Variants in ARSG observed in about 807,000 individuals in gnomAD.
The protein encoded by ARSG is arylsulfatase G.
Under a neutral mutation model 50.5 loss-of-function variants are expected in ARSG, and 37 were observed. The ratio of observed to expected loss-of-function variants is 0.73; its 90% CI spans 0.56 to 0.96. The LOEUF (loss-of-function observed/expected upper bound fraction) is 0.96, where lower values mean the gene tolerates loss of function less well. ARSG is among the 50% of genes least tolerant of loss of function. The pLI is 0.00. For synonymous variants in ARSG, 225 were observed against 254.6 expected (o/e 0.88, Z 1.11); for missense variants, 629 against 675.3 (o/e 0.93, Z 0.76).
intron 10 of ARSG, among the ~76,000 whole-genome samples, chr17:68,396,529 G>A (rs1376122955): frequency 6.6e-6 from 1 of 152,182 alleles, no homozygotes; most frequent in African/African-American, 2.4e-5. Context: ...GAGGCGGAAG[G>A]AGCACAGAGT....
intron 1 of ARSG, among the ~76,000 whole-genome samples, chr17:68,270,616 G>A (rs769851573): frequency 8.6e-5 from 13 of 150,766 alleles, no homozygotes; most frequent in Non-Finnish European, 1.2e-4. Context: ...GTCCTGAATC[G>A]ACCACTAATT....
intron 8 of ARSG, among the ~76,000 whole-genome samples, chr17:68,374,830 G>A (rs1352294889): frequency 6.7e-6 from 1 of 150,204 alleles, no homozygotes; most frequent in Non-Finnish European, 1.5e-5. Context: ...ACTCCAGCCT[G>A]GGCAACAGAG....
At chr17:68,357,023 T>C (rs1056452305) in intron 6 of ARSG, among the ~76,000 whole-genome samples, 6 of 152,114 alleles carry the variant, frequency 3.9e-5, no homozygotes, top group Admixed American at 3.9e-4. Context: ...GTTCCTAGAG[T>C]CCCTGGGGCT....
At chr17:68,303,738 C>G (rs1283598387) in intron 1 of ARSG, among the ~76,000 whole-genome samples, 1 of 152,348 alleles carries the variant, frequency 6.6e-6, no homozygotes, top group Middle Eastern at 3.4e-3. Context: ...GCATGAGCCA[C>G]CGCACCCAGC....
Position 68,385,260 on chromosome 17 carries a change from C to T in ARSG, c.1091+88C>T, listed in dbSNP as rs377482914. 142 of 1,190,874 alleles carry T rather than the reference C, an allele frequency of 1.2e-4. 1 individual carries two copies. The South Asian group carries it at 1.8e-3, about 15-fold the overall frequency. 73.8% of individuals were successfully genotyped at this position (1,190,874 alleles called of 1,614,324 possible). A position where few individuals can be genotyped will look rare whatever the true frequency, so the allele number is the denominator to read the frequency against. ...GGTGGCTAGATGGAGGCATGGGTGG[C>T]TAGATGGAGGCATGGGTGGCTAGAG... is the stretch of plus-strand genomic sequence containing the variant. On this transcript the variant is annotated intron_variant, in intron 9 of 11. Transcript: ENST00000621439.
chr17:68,259,595 A>G (rs1307609932), intron 1 of ARSG, among the ~76,000 whole-genome samples: 5 of 152,384 alleles, frequency 3.3e-5, no homozygotes, highest in African/African-American at 1.2e-4. Context: ...TAGCAAATGC[A>G]TAAAGAAGCA....
intron 2 of ARSG, among the ~76,000 whole-genome samples, chr17:68,320,862 A>G (rs2077255427): frequency 6.6e-6 from 1 of 152,148 alleles, no homozygotes; most frequent in African/African-American, 2.4e-5. Flanking sequence ...AGGCTTATAG[A>G]TGCCTATGTG....
the ARSG span, chr17:68,435,700 T>C: frequency 6.2e-7 from 1 of 1,614,210 alleles, no homozygotes; most frequent in Non-Finnish European, 8.5e-7. Context: ...GCAGCAATAG[T>C]GCAGACTGTT....
At chr17:68,340,084 A>T (rs1300578365) in intron 2 of ARSG, among the ~76,000 whole-genome samples, 1 of 152,190 alleles carries the variant, frequency 6.6e-6, no homozygotes, top group Non-Finnish European at 1.5e-5. Context: ...CATCCTTCTG[A>T]AAAGGAGTGC....
At chr17:68,446,187 T>A in the ARSG span, among the ~76,000 whole-genome samples, 2 of 146,770 alleles carry the variant, frequency 1.4e-5, no homozygotes, top group Non-Finnish European at 3.0e-5. Context: ...CATTTCTCAA[T>A]TTTTTTTTTT....
At chr17:68,450,593 C>T in the ARSG span, 1 of 1,194,494 alleles carries the variant, frequency 8.4e-7, no homozygotes, top group Non-Finnish European at 1.2e-6. Context: ...ACCCCCGGGA[C>T]ACGGGGCCTG....
intron 8 of ARSG, among the ~76,000 whole-genome samples, chr17:68,374,682 TC>T: frequency 6.6e-6 from 1 of 151,746 alleles, no homozygotes; most frequent in African/African-American, 2.4e-5. Context: ...TGAAACCCCG[TC>T]TCTATTAAAA....
chr17:68,376,967 C>G (rs1297712813), intron 8 of ARSG, among the ~76,000 whole-genome samples: 1 of 151,850 alleles, frequency 6.6e-6, no homozygotes, highest in East Asian at 1.9e-4. Flanking sequence ...TCAAGCGATT[C>G]TCCTGCTTCA....
chr17:68,393,669 C>T (rs989372120), intron 9 of ARSG, among the ~76,000 whole-genome samples: 2 of 151,988 alleles, frequency 1.3e-5, no homozygotes, highest in African/African-American at 4.8e-5. Flanking sequence ...GAGTTTGAGA[C>T]CAACCTGGCC....
chr17:68,367,496 C>T lies in ARSG; in HGVS notation c.705-1052C>T. On this transcript the variant is annotated intron_variant, in intron 6 of 11. Coordinates refer to ENST00000621439, the MANE Select transcript of ARSG (RefSeq NM_001267727.2). The surrounding 1 kb of genome is among the most constrained non-coding windows in gnomAD (Gnocchi z 4.5). ...TGTTTGGTGTCCTCTGAAAGACCCC[C>T]CATGGATGGATCTGTGGGAGAGGGG... Among the ~76,000 whole-genome samples the T allele has an allele frequency of 6.6e-6, 1 of 152,286 alleles. No individual in the cohort carries two copies.
At chr17:68,293,139 AATG>A (rs1216799613) in intron 1 of ARSG, among the ~76,000 whole-genome samples, 1 of 152,218 alleles carries the variant, frequency 6.6e-6, no homozygotes, top group Non-Finnish European at 1.5e-5. Context: ...ATCCATATAT[AATG>A]ATATTTAGAA....
At chr17:68,270,318 G>A (rs1313772916) in intron 1 of ARSG, among the ~76,000 whole-genome samples, 8 of 152,096 alleles carry the variant, frequency 5.3e-5, no homozygotes, top group African/African-American at 1.9e-4. Flanking sequence ...TACTTTGGGA[G>A]GCCAAGGCAG....
At chr17:68,363,440 A>G (rs1020146328) in intron 6 of ARSG, among the ~76,000 whole-genome samples, 2 of 150,942 alleles carry the variant, frequency 1.3e-5, no homozygotes, top group Non-Finnish European at 3.0e-5. Context: ...GCAGGCTGCA[A>G]TGAGCCCTAG....
chr17:68,326,392 C>T (rs142578671), intron 2 of ARSG, among the ~76,000 whole-genome samples: 33 of 152,296 alleles, frequency 2.2e-4, no homozygotes, highest in African/African-American at 5.1e-4. Flanking sequence ...CTCAGCCTGG[C>T]GCGGTGGCTC....
Sources: allele counts gnomAD v4.1 joint callset (sites outside exome capture counted in the v4.1 genomes callset), GRCh38; gene constraint gnomAD v4.1.1; non-coding constraint Gnocchi (gnomAD v3.1); transcripts MANE v1.5; gene names NCBI Gene and HGNC (gene_info 2026-07-23, HGNC 2026-07-21).